Variants in TSPO observed in about 807,000 individuals in gnomAD.
The protein encoded by TSPO is translocator protein, also known as benzodiazepine peripheral binding site.
Under a neutral mutation model 13.9 loss-of-function variants are expected in TSPO, and 14 were observed. That is an observed-to-expected ratio of 1.01 (90% CI 0.67 to 1.58). The LOEUF (loss-of-function observed/expected upper bound fraction) is 1.58. Ranked by LOEUF, TSPO falls within the 40% of genes most tolerant of loss-of-function variation. The pLI is 0.00. For missense variants in TSPO, 232 were observed against 229.6 expected (o/e 1.01, Z -0.07); for synonymous variants, 114 against 105.9 (o/e 1.08, Z -0.47).
At chr22:43,161,017 C>T (rs1931417119) in intron 2 of TSPO, 35 bp from the exon 3 acceptor site, 1 of 1,596,192 alleles carries the variant, frequency 6.3e-7, no homozygotes, top group Admixed American at 1.7e-5. Flanking sequence ...TGGCCTTGTT[C>T]CTAATGGTGC....
intron 1 of TSPO, chr22:43,152,094 C>A (rs1468734435): frequency 6.6e-6 from 1 of 152,396 alleles, no homozygotes; most frequent in African/African-American, 2.4e-5. Context: ...CGGTTAGAGG[C>A]CCCCTGGCCC....
intron 1 of TSPO, among the ~76,000 whole-genome samples, chr22:43,157,860 T>C (rs925355367): frequency 7.9e-5 from 12 of 152,222 alleles, no homozygotes; most frequent in Non-Finnish European, 1.5e-4. Context: ...ATCTATGTTA[T>C]CCATTTTTTG....
In TSPO at chr22:43,159,110, TG is replaced by T. The variant is rs1490155613; in HGVS notation, c.-29-99del. The T allele has an allele frequency of 1.8e-5, 17 of 942,952 alleles. No homozygotes were observed. The East Asian group carries it at 4.9e-4, about 27-fold the overall frequency. The allele number at this position is 942,952 out of a possible 1,614,324, so 58.4% of individuals were successfully genotyped here. A position where few individuals can be genotyped will look rare whatever the true frequency, so the allele number is the denominator to read the frequency against. On this transcript the variant is annotated intron_variant, in intron 1 of 3. Transcript: ENST00000337554. ...TGCGCCTCCTGATCAGCTGACTGGT[TG>T]ATCTGTGGGTGACAGGCCTTTCGGG...
At chr22:43,155,447 G>T (rs1406071480) in intron 1 of TSPO, among the ~76,000 whole-genome samples, 2 of 152,216 alleles carry the variant, frequency 1.3e-5, no homozygotes, top group Non-Finnish European at 2.9e-5. Context: ...TGTTTTGGGG[G>T]CGCTGCTCCG....
chr22:43,162,669 G>A, intron 3 of TSPO, 134 bp from the exon 4 acceptor site: 2 of 875,282 alleles, frequency 2.3e-6, no homozygotes, highest in East Asian at 2.7e-5. Flanking sequence ...GGCTTGGCCA[G>A]GTCACTCAAG....
chr22:43,162,936 A>G lies in TSPO; in HGVS notation c.455A>G (p.Tyr152Cys). 1 of 1,599,954 alleles carries G rather than the reference A, an allele frequency of 6.3e-7. No homozygotes were observed. The highest frequency in any genetic ancestry group is 1.1e-5 in the South Asian group (1 of 88,692). ...AWLAFTTTLN[Y>C]CVWRDNHGWR... ...CTGGCCTTCACGACCACACTCAACT[A>G]CTGCGTATGGCGGGACAACCATGGC... The change falls in exon 4 of 4, where the codon TAC becomes TGC. Residue 152 changes from tyrosine to cysteine, a missense_variant. Physicochemically the swap from Tyr to Cys is radical, Grantham distance 194. Transcript: ENST00000337554.
intron 2 of TSPO, among the ~76,000 whole-genome samples, chr22:43,160,365 A>G (rs1931396911): frequency 6.6e-6 from 1 of 152,140 alleles, no homozygotes; most frequent in Admixed American, 6.5e-5. Flanking sequence ...ACCAGACTTT[A>G]TCCACTGATG....
chr22:43,153,272 C>T (rs1398073646), intron 1 of TSPO, among the ~76,000 whole-genome samples: 3 of 151,014 alleles, frequency 2.0e-5, no homozygotes, highest in Admixed American at 6.6e-5. Flanking sequence ...GATCCTCCCA[C>T]CTCAGCCTCC....
rs538227700 is a variant in TSPO, at chr22:43,158,891, C to T, written c.-29-319C>T. Among the ~76,000 whole-genome samples the T allele has an allele frequency of 8.6e-5, 13 of 151,940 alleles. No individual in the cohort carries two copies. The South Asian group carries it at 2.1e-3, about 24-fold the overall frequency. ...CACTGGCCTGGCAGAGCTCCCAGGA[C>T]GGGGACTTGACCCAGGGAGGCAGGC... On this transcript the variant is annotated intron_variant, in intron 1 of 3. Transcript: ENST00000337554.
At chr22:43,160,948 A>T in intron 2 of TSPO, 104 bp from the exon 3 acceptor site, 1 of 1,376,512 alleles carries the variant, frequency 7.3e-7, no homozygotes. Context: ...ATCACACAGC[A>T]GTCAGTGTCA....
At chr22:43,156,756 G>A (rs982923169) in intron 1 of TSPO, among the ~76,000 whole-genome samples, 57 of 152,292 alleles carry the variant, frequency 3.7e-4, no homozygotes, top group Middle Eastern at 3.4e-3. Flanking sequence ...CACTGAAAGC[G>A]CACCAGCTTC....
intron 1 of TSPO, among the ~76,000 whole-genome samples, chr22:43,154,248 A>C (rs1445441241): frequency 6.6e-6 from 1 of 151,972 alleles, no homozygotes; most frequent in Non-Finnish European, 1.5e-5. Context: ...TTCGTTGGAG[A>C]GACAAGGCTC....
intron 1 of TSPO, among the ~76,000 whole-genome samples, chr22:43,155,494 C>T (rs562763758): frequency 5.2e-4 from 79 of 152,348 alleles, no homozygotes; most frequent in Middle Eastern, 3.4e-3. Context: ...TCCAGGGGCT[C>T]TCGTGGCTGA....
intron 2 of TSPO, among the ~76,000 whole-genome samples, chr22:43,160,744 T>C (rs1250063644): frequency 6.6e-6 from 1 of 152,178 alleles, no homozygotes; most frequent in African/African-American, 2.4e-5. Flanking sequence ...CCTGGCTAGG[T>C]TAAGAGCCTC....
Position 43,162,892 on chromosome 22 carries a change from C to G in TSPO, c.411C>G (p.Leu137=), listed in dbSNP as rs9333341. The G allele has an allele frequency of 1.8e-5, 29 of 1,585,792 alleles. No homozygotes were observed. In the Admixed American group the frequency reaches 5.0e-4, roughly 27 times the overall value. ...YQVSPLAARL[L]YPYLAWLAFT... is the part of the protein sequence containing the mutation. ...TGAGCCCGCTGGCCGCCCGCCTGCT[C>G]TACCCCTACCTGGCCTGGCTGGCCT... The change falls in exon 4 of 4, where the codon CTC becomes CTG. Residue 137 remains leucine, a synonymous_variant. Coordinates refer to ENST00000337554, the MANE Select transcript of TSPO (RefSeq NM_000714.6).
intron 1 of TSPO, among the ~76,000 whole-genome samples, chr22:43,153,073 TTTC>T (rs1219524834): frequency 8.7e-5 from 11 of 126,218 alleles, no homozygotes; most frequent in Non-Finnish European, 3.2e-5. Context: ...CTTCTTTCTC[TTTC>T]TTTCTTTCTT....
intron 1 of TSPO, among the ~76,000 whole-genome samples, chr22:43,156,182 A>G (rs5996280): frequency 0.049 from 7,428 of 152,312 alleles, 611 homozygotes; most frequent in African/African-American, 0.17. Flanking sequence ...AACTGGCTTC[A>G]GACCCTGCTC....
At chr22:43,154,332 G>A (rs767866004) in intron 1 of TSPO, among the ~76,000 whole-genome samples, 4 of 151,834 alleles carry the variant, frequency 2.6e-5, no homozygotes, top group South Asian at 2.1e-4. Context: ...TTTCTGGGTC[G>A]CCTTCTTTTT....
chr22:43,152,975 T>G (rs954721189), intron 1 of TSPO, among the ~76,000 whole-genome samples: 1 of 118,040 alleles, frequency 8.5e-6, no homozygotes, highest in Non-Finnish European at 1.8e-5. Context: ...GGAGGGAGCC[T>G]ACTTTTCACT....
Sources: gnomAD v4.1 joint callset for allele counts (sites outside exome capture counted in the v4.1 genomes callset) on GRCh38, gnomAD v4.1.1 for gene constraint, MANE v1.5 for transcripts, NCBI Gene and HGNC (gene_info 2026-07-23, HGNC 2026-07-21) for gene names.